TRPC4: variants seen among roughly 807,000 people sequenced by gnomAD.
TRPC4 encodes the protein short transient receptor potential channel 4.
Under a neutral mutation model 99.4 loss-of-function variants are expected in TRPC4, and 49 were observed. The observed-to-expected ratio is 0.49, with a 90% CI of 0.39 to 0.63. The LOEUF (loss-of-function observed/expected upper bound fraction) is 0.63, where lower values mean the gene tolerates loss of function less well. Ranked by LOEUF, TRPC4 falls within the 20% of genes least tolerant of loss-of-function variation. The pLI, the probability that TRPC4 is intolerant of heterozygous loss-of-function variation, is 0.00. For missense variants in TRPC4, 898 were observed against 1,152.9 expected (o/e 0.78, Z 3.20); for synonymous variants, 454 against 425.9 (o/e 1.07, Z -0.81).
At chr13:37,803,722 G>A (rs573620311) in intron 1 of TRPC4, among the ~76,000 whole-genome samples, 18 of 152,170 alleles carry the variant, frequency 1.2e-4, no homozygotes, top group African/African-American at 4.1e-4. Context: ...CCATTAATGT[G>A]TTGGAGGTAG....
intron 2 of TRPC4, among the ~76,000 whole-genome samples, chr13:37,761,847 G>A (rs1051323846): frequency 3.3e-5 from 5 of 151,760 alleles, no homozygotes; most frequent in South Asian, 2.1e-4. Context: ...ATTTCCTGGC[G>A]GGCCGATTTT....
Position 37,674,709 on chromosome 13 carries a change from T to C in TRPC4, c.1235-342A>G, listed in dbSNP as rs139637281. On this transcript the variant is annotated intron_variant, in intron 4 of 10. Coordinates refer to ENST00000379705, the MANE Select transcript of TRPC4 (RefSeq NM_016179.4). ...TTTCTTAAAAGCAAATGTCTTGACA[T>C]ATATTTTTCTCCCAAGTCAAAATTA... Among the ~76,000 whole-genome samples the C allele has an allele frequency of 1.5e-3, 223 of 152,306 alleles. 7 individuals carry two copies. The East Asian group carries it at 0.04, about 27-fold the overall frequency.
chr13:37,698,628 A>G (rs1953999552), intron 3 of TRPC4, among the ~76,000 whole-genome samples: 1 of 152,178 alleles, frequency 6.6e-6, no homozygotes, highest in Non-Finnish European at 1.5e-5. Context: ...GAAGTCACAC[A>G]AGCAGATATT....
intron 2 of TRPC4, among the ~76,000 whole-genome samples, 183 bp from the exon 3 acceptor site, chr13:37,746,638 A>G (rs1955795691): frequency 6.6e-6 from 1 of 151,596 alleles, no homozygotes; most frequent in Non-Finnish European, 1.5e-5. Flanking sequence ...GGAAAAAAAA[A>G]CTTTCCAATA....
intron 4 of TRPC4, among the ~76,000 whole-genome samples, chr13:37,683,132 C>G (rs1318736994): frequency 2.0e-5 from 3 of 151,934 alleles, no homozygotes; most frequent in Non-Finnish European, 4.4e-5. Flanking sequence ...CTCACCAATA[C>G]TACTGCCTCC....
At chr13:37,639,744 C>CATATATATATATATATATATATATATAT (rs59528300) in intron 8 of TRPC4, among the ~76,000 whole-genome samples, 40 of 146,806 alleles carry the variant, frequency 2.7e-4, no homozygotes, top group African/African-American at 1.0e-3. Flanking sequence ...ACTCTCCAAT[C>CATATATATATATATATATATATATATAT]ATATATATAT....
rs889832916 is a variant in TRPC4 at position 37,789,400 on chromosome 13, A to C, written c.-27-6040T>G. 4.6e-5 allele frequency among the ~76,000 whole-genome samples: 7 copies of C among 152,138 alleles called. No individual in the cohort carries two copies. The South Asian group carries it at 6.2e-4, about 13-fold the overall frequency. ...CTTTTCTTCCTCTCAATGCACAGTT[A>C]TGTAGCCTTTTTTATGCATCTTTAT... On this transcript the variant is annotated intron_variant, in intron 1 of 10. Transcript: ENST00000379705.
chr13:37,859,466 GA>G (rs1373600866), intron 1 of TRPC4, among the ~76,000 whole-genome samples: 5 of 151,330 alleles, frequency 3.3e-5, no homozygotes, highest in Non-Finnish European at 7.4e-5. Context: ...GATAATAAAA[GA>G]GTAAGAGAAA....
intron 3 of TRPC4, among the ~76,000 whole-genome samples, chr13:37,728,146 G>GC (rs945269602): frequency 3.9e-4 from 60 of 151,916 alleles, no homozygotes; most frequent in African/African-American, 1.4e-3. Context: ...CGAGGTGCCT[G>GC]CTGTCACTGC....
At position 37,633,614 on chromosome 13, in the gene TRPC4, T is replaced by C. The variant is rs1367723160; in HGVS notation, c.*3289A>G. ...TGAGAACAGCATGGTGAGTCTACTA[T>C]CCTTGACTTTTCATCAATTTGTTTC... On this transcript the variant is annotated 3_prime_UTR_variant, in exon 11 of 11. Coordinates refer to ENST00000379705, the MANE Select transcript of TRPC4 (RefSeq NM_016179.4). Among the ~76,000 whole-genome samples, 2 of 152,184 alleles carry C rather than the reference T, an allele frequency of 1.3e-5. No homozygotes were observed. The highest frequency in any genetic ancestry group is 1.3e-4 in the Admixed American group (2 of 15,266).
At chr13:37,744,997 CA>C (rs1181236295) in intron 3 of TRPC4, among the ~76,000 whole-genome samples, 1 of 151,758 alleles carries the variant, frequency 6.6e-6, no homozygotes, top group African/African-American at 2.4e-5. Flanking sequence ...CCTGACAAAT[CA>C]AAAAAATGAG....
chr13:37,831,106 C>A (rs1958410166), intron 1 of TRPC4, among the ~76,000 whole-genome samples: 1 of 150,362 alleles, frequency 6.7e-6, no homozygotes, highest in Admixed American at 6.6e-5. Flanking sequence ...ATTTTTTTTT[C>A]ACATTTGATG....
At chr13:37,789,777 C>T (rs1426870678) in intron 1 of TRPC4, among the ~76,000 whole-genome samples, 2 of 151,502 alleles carry the variant, frequency 1.3e-5, no homozygotes, top group Non-Finnish European at 2.9e-5. Flanking sequence ...ATGTATAAAT[C>T]AACACATGGC....
chr13:37,651,250 A>G lies in TRPC4; in HGVS notation c.2079+15T>C. On this transcript the variant is annotated intron_variant, in intron 8 of 10. Transcript: ENST00000379705. ...AATTTAAAAAAAGAGTAATACTAAC[A>G]TGCTGTGTTCTTACCCCTATTGTTC... The G allele has an allele frequency of 6.2e-7, 1 of 1,613,804 alleles. No individual in the cohort carries two copies. The highest frequency in any genetic ancestry group is 8.5e-7 in the Non-Finnish European group (1 of 1,179,748).
intron 4 of TRPC4, among the ~76,000 whole-genome samples, chr13:37,684,448 G>T (rs1197563705): frequency 1.3e-5 from 2 of 152,024 alleles, no homozygotes; most frequent in African/African-American, 4.8e-5. Flanking sequence ...TCATCTGATA[G>T]CTTATCACCT....
intron 1 of TRPC4, among the ~76,000 whole-genome samples, chr13:37,807,373 G>A (rs556399376): frequency 1.3e-5 from 2 of 152,048 alleles, no homozygotes; most frequent in Non-Finnish European, 2.9e-5. Flanking sequence ...ATATTTACAA[G>A]TGTCAGAATT....
In TRPC4 at chr13:37,746,204, T is replaced by G; in HGVS notation, c.630A>C (p.Ala210=). 6.2e-7 allele frequency: 1 copy of G among 1,613,822 alleles called. No homozygotes were observed. Among genetic ancestry groups the G allele is most frequent in the Non-Finnish European group, 8.5e-7 (1 of 1,179,866 alleles). The change falls in exon 3 of 11, where the codon GCA becomes GCC. Residue 210 remains alanine (A), a synonymous_variant. Coordinates refer to ENST00000379705, the MANE Select transcript of TRPC4 (RefSeq NM_016179.4). ...TGAGAAAAGGATCTTCGCTTGACAGTGCAATGAGAGAGGGACTGGCCAAGG... is the reference window on the plus strand; with the variant it reads ...TGAGAAAAGGATCTTCGCTTGACAGGGCAATGAGAGAGGGACTGGCCAAGG... ...YKALASPSLI[A]LSSEDPFLTA...
At chr13:37,786,494 T>G (rs1956974958) in intron 1 of TRPC4, among the ~76,000 whole-genome samples, 1 of 152,024 alleles carries the variant, frequency 6.6e-6, no homozygotes, top group Non-Finnish European at 1.5e-5. Context: ...GTTTAACATT[T>G]TAAAACTGTG....
intron 3 of TRPC4, among the ~76,000 whole-genome samples, chr13:37,718,281 G>A (rs1032060954): frequency 2.0e-5 from 3 of 151,566 alleles, no homozygotes; most frequent in African/African-American, 2.4e-5. Context: ...ACTACAAAAC[G>A]CACACACGCA....
Sources: allele counts gnomAD v4.1 joint callset (sites outside exome capture counted in the v4.1 genomes callset), GRCh38; gene constraint gnomAD v4.1.1; transcripts MANE v1.5; gene names NCBI Gene and HGNC (gene_info 2026-07-23, HGNC 2026-07-21).